The following TCERG1L variants were observed in gnomAD, a reference collection of about 807,000 sequenced individuals.
The protein encoded by TCERG1L is transcription elongation regulator 1 like.
TCERG1L carries 37 observed loss-of-function variants against 56.3 expected under a neutral mutation model. The observed-to-expected ratio is 0.66, with a 90% CI of 0.51 to 0.87. The LOEUF (loss-of-function observed/expected upper bound fraction) is 0.87, where lower values mean the gene tolerates loss of function less well. TCERG1L is among the 40% of genes least tolerant of loss of function. The pLI is 0.00. For synonymous variants in TCERG1L, 324 were observed against 326.3 expected, an observed-to-expected ratio of 0.99 and a Z score of 0.08; for missense variants, 799 against 774.2, an observed-to-expected ratio of 1.03 and a Z score of -0.38.
At chr10:131,127,000 C>T (rs1845572092) in intron 8 of TCERG1L, among the ~76,000 whole-genome samples, 1 of 152,128 alleles carries the variant, frequency 6.6e-6, no homozygotes. Flanking sequence ...ACAACAAACA[C>T]CTATTTTCTT....
At chr10:131,148,087 T>C (rs553173912) in intron 6 of TCERG1L, among the ~76,000 whole-genome samples, 26 of 152,324 alleles carry the variant, frequency 1.7e-4, no homozygotes, top group Admixed American at 4.6e-4. Flanking sequence ...GCCAAAATGA[T>C]GGCTCCAAAG....
intron 11 of TCERG1L, among the ~76,000 whole-genome samples, chr10:131,096,728 G>C (rs1245408102): frequency 1.3e-5 from 2 of 151,946 alleles, no homozygotes; most frequent in African/African-American, 2.4e-5. Context: ...GTGAAACCCC[G>C]TCTCTACTTC....
At chr10:131,230,880 T>C (rs1280418609) in intron 4 of TCERG1L, among the ~76,000 whole-genome samples, 1 of 152,064 alleles carries the variant, frequency 6.6e-6, no homozygotes, top group African/African-American at 2.4e-5. Context: ...GGGGACAGTG[T>C]GCCCCTTGCA....
intron 3 of TCERG1L, among the ~76,000 whole-genome samples, chr10:131,280,710 C>A (rs1277301856): frequency 3.9e-5 from 6 of 152,054 alleles, no homozygotes; most frequent in African/African-American, 1.4e-4. Context: ...GATGTGCACA[C>A]ACACACACAC....
At chr10:131,144,069 C>T (rs1005958923) in intron 7 of TCERG1L, among the ~76,000 whole-genome samples, 15 of 137,326 alleles carry the variant, frequency 1.1e-4, no homozygotes, top group African/African-American at 2.2e-4. Context: ...CACACGCACA[C>T]GCAGGCACAC....
At chr10:131,309,333 G>A in intron 1 of TCERG1L, 34 bp from the exon 2 acceptor site, 12 of 1,568,670 alleles carry the variant, frequency 7.6e-6, no homozygotes, top group Non-Finnish European at 1.0e-5. Context: ...AGCTGCATTA[G>A]CCTGAATCCA....
Position 131,200,066 on chromosome 10 carries a change from A to C in TCERG1L, c.857-33181T>G, listed in dbSNP as rs369484291. Among the ~76,000 whole-genome samples, 14 of 151,982 alleles carry C rather than the reference A, an allele frequency of 9.2e-5. No individual in the cohort carries two copies. In the East Asian group the frequency reaches 2.5e-3, roughly 27 times the overall value. On this transcript the variant is annotated intron_variant, in intron 4 of 11. Coordinates refer to ENST00000368642, the MANE Select transcript of TCERG1L (RefSeq NM_174937.4). The stretch of plus-strand genomic sequence containing the variant: ...TTCCCGACAGCTCTCCCCTCCTCTG[A>C]GCTCTCACCAGGATCGTCCTTAATG...
chr10:131,111,039 C>T (rs1845407067), intron 9 of TCERG1L, among the ~76,000 whole-genome samples: 1 of 143,316 alleles, frequency 7.0e-6, no homozygotes, highest in Non-Finnish European at 1.6e-5. Context: ...TCCTGATGAC[C>T]AGAGAAAAGG....
intron 4 of TCERG1L, among the ~76,000 whole-genome samples, chr10:131,184,645 C>T (rs56166801): frequency 5.9e-5 from 9 of 152,300 alleles, no homozygotes; most frequent in South Asian, 2.1e-4. Context: ...ACATCGGTCA[C>T]GATGGAAACT....
intron 3 of TCERG1L, among the ~76,000 whole-genome samples, chr10:131,293,825 C>A (rs1189064544): frequency 1.3e-5 from 2 of 152,188 alleles, no homozygotes; most frequent in Non-Finnish European, 2.9e-5. Flanking sequence ...AGAAGCACTT[C>A]AGGTTGGGTA....
intron 3 of TCERG1L, among the ~76,000 whole-genome samples, chr10:131,305,099 G>A (rs934691277): frequency 1.3e-5 from 2 of 152,064 alleles, no homozygotes; most frequent in African/African-American, 4.8e-5. Flanking sequence ...CCTTCCCTGA[G>A]GATCCCCCGC....
Position 131,118,707 on chromosome 10 carries a change from C to T in TCERG1L, c.1260-1773G>A, listed in dbSNP as rs1845484153. On this transcript the variant is annotated intron_variant, in intron 8 of 11. Transcript: ENST00000368642. The surrounding 1 kb of genome is among the most constrained non-coding windows in gnomAD (Gnocchi z 4.2). ...CCAACCCTGACCGTGGCTATCAAAT[C>T]CTGCTTTTCCATGCCAAATTTGGAA... is the stretch of plus-strand genomic sequence containing the variant. Among the ~76,000 whole-genome samples, 1 of 152,190 alleles carries T rather than the reference C, an allele frequency of 6.6e-6. No individual in the cohort carries two copies. The highest frequency in any genetic ancestry group is 2.4e-5 in the African/African-American group (1 of 41,438).
intron 3 of TCERG1L, among the ~76,000 whole-genome samples, chr10:131,277,786 T>A (rs1284820006): frequency 6.6e-6 from 1 of 151,808 alleles, no homozygotes; most frequent in Non-Finnish European, 1.5e-5. Context: ...GGACATCTGG[T>A]CAAAAGGTGC....
At chr10:131,276,412 CT>C (rs1014500255) in intron 3 of TCERG1L, among the ~76,000 whole-genome samples, 31 of 152,334 alleles carry the variant, frequency 2.0e-4, no homozygotes, top group African/African-American at 7.0e-4. Context: ...TGAAGAGGTT[CT>C]TTAATGCATT....
intron 3 of TCERG1L, among the ~76,000 whole-genome samples, chr10:131,276,552 A>T (rs1846395194): frequency 1.3e-5 from 2 of 152,240 alleles, no homozygotes; most frequent in South Asian, 4.1e-4. Context: ...GAGCACAGGA[A>T]ATTATTCTCA....
intron 4 of TCERG1L, among the ~76,000 whole-genome samples, chr10:131,194,945 T>C (rs1320128015): frequency 6.6e-6 from 1 of 152,210 alleles, no homozygotes; most frequent in Admixed American, 6.5e-5. Context: ...CTGGTAAGAT[T>C]TGGCTGCTGA....
intron 4 of TCERG1L, among the ~76,000 whole-genome samples, chr10:131,231,028 T>A (rs1845845122): frequency 1.3e-5 from 2 of 151,096 alleles, no homozygotes; most frequent in Non-Finnish European, 3.0e-5. Flanking sequence ...TATGAAAGAC[T>A]GAGATTTAGC....
At chr10:131,280,650 T>C (rs2133562110) in intron 3 of TCERG1L, among the ~76,000 whole-genome samples, 1 of 152,224 alleles carries the variant, frequency 6.6e-6, no homozygotes, top group Non-Finnish European at 1.5e-5. Flanking sequence ...AGATTTATTT[T>C]CCTTTCACGT....
chr10:131,122,493 C>A (rs1055252366), intron 8 of TCERG1L, among the ~76,000 whole-genome samples: 4 of 152,220 alleles, frequency 2.6e-5, no homozygotes, highest in Non-Finnish European at 4.4e-5. Flanking sequence ...AACCCTTGAA[C>A]AGTGAGGCTC....
Sources: gnomAD v4.1 joint callset for allele counts (sites outside exome capture counted in the v4.1 genomes callset) on GRCh38, gnomAD v4.1.1 for gene constraint, Gnocchi (gnomAD v3.1) non-coding constraint, MANE v1.5 for transcripts, NCBI Gene and HGNC (gene_info 2026-07-23, HGNC 2026-07-21) for gene names.